The following RAF1 variants were observed in gnomAD, a reference collection of about 807,000 sequenced individuals.
RAF1 encodes the protein RAF proto-oncogene serine/threonine-protein kinase.
RAF1 carries 27 observed loss-of-function variants against 81.1 expected under a neutral mutation model. The ratio of observed to expected loss-of-function variants is 0.33; its 90% CI spans 0.25 to 0.46. RAF1 has a LOEUF of 0.46. Among genes scored for constraint, RAF1 ranks in the 20% least tolerant of loss-of-function variants. RAF1 has a pLI of 1.00. For synonymous variants in RAF1, 298 were observed against 294.0 expected (o/e 1.01, Z -0.14); for missense variants, 598 against 826.0 (o/e 0.72, Z 3.38).
At chr3:12,657,835 T>C (rs555660126) in intron 1 of RAF1, among the ~76,000 whole-genome samples, 10 of 151,292 alleles carry the variant, frequency 6.6e-5, no homozygotes, top group African/African-American at 1.9e-4. Context: ...ATCTCCATAA[T>C]TGTAGAACAC....
At chr3:12,593,786 C>CTTTTTTTTTTTTTTTTTTTTTTT (rs756831846) in intron 11 of RAF1, among the ~76,000 whole-genome samples, 1 of 111,284 alleles carries the variant, frequency 9.0e-6, no homozygotes. Context: ...GGAGTAAATC[C>CTTTTTTTTTTTTTTTTTTTTTTT]TTTTTTTTTT....
At chr3:12,647,964 G>A (rs1424067339) in intron 1 of RAF1, among the ~76,000 whole-genome samples, 5 of 152,136 alleles carry the variant, frequency 3.3e-5, no homozygotes, top group Non-Finnish European at 5.9e-5. Flanking sequence ...AGTTAAAAAC[G>A]AGCTAGTTCA....
intron 13 of RAF1, chr3:12,589,840 G>C (rs1404854281): frequency 1.4e-5 from 2 of 147,258 alleles, no homozygotes; most frequent in Non-Finnish European, 3.0e-5. Context: ...ACCCAGGCTA[G>C]AGTGCAATGG....
chr3:12,638,680 G>T (rs1020294258), intron 1 of RAF1, among the ~76,000 whole-genome samples: 4 of 152,026 alleles, frequency 2.6e-5, no homozygotes, highest in African/African-American at 9.7e-5. Context: ...TCACACATCC[G>T]ATTTGTCTTA....
intron 13 of RAF1, chr3:12,589,982 G>A (rs1203290063): frequency 1.3e-5 from 2 of 151,862 alleles, no homozygotes; most frequent in Non-Finnish European, 2.9e-5. Context: ...GTAGAGATGA[G>A]ATTTCACCAC....
At chr3:12,645,817 T>C (rs1405235406) in intron 1 of RAF1, among the ~76,000 whole-genome samples, 1 of 152,132 alleles carries the variant, frequency 6.6e-6, no homozygotes, top group Non-Finnish European at 1.5e-5. Flanking sequence ...TCAAGCAGCG[T>C]CTCAGCTCAG....
intron 13 of RAF1, chr3:12,587,854 T>TTTTTTTTTTTG (rs1553610554): frequency 3.5e-5 from 15 of 432,430 alleles, no homozygotes; most frequent in African/African-American, 2.8e-4. Context: ...TTTTTTTTTT[T>TTTTTTTTTTTG]GGAGACTGGA....
Position 12,629,339 on chromosome 3 carries a change from A to G in RAF1, c.-26-10592T>C, listed in dbSNP as rs543161569. 2.5e-4 allele frequency among the ~76,000 whole-genome samples: 38 copies of G among 152,242 alleles called. 1 individual carries two copies. In the South Asian group the frequency reaches 7.7e-3, roughly 31 times the overall value. On this transcript the variant is annotated intron_variant, in intron 1 of 17. Transcript: ENST00000442415. Reference sequence around the variant, plus strand: ...ATAAGTGTTTGCTCTCTATTTTGGTACTCGCTAAAACTCACTAGGCAACAA... The same window carrying G: ...ATAAGTGTTTGCTCTCTATTTTGGTGCTCGCTAAAACTCACTAGGCAACAA...
At chr3:12,617,916 T>G (rs1458934561) in intron 2 of RAF1, among the ~76,000 whole-genome samples, 1 of 151,174 alleles carries the variant, frequency 6.6e-6, no homozygotes, top group Non-Finnish European at 1.5e-5. Flanking sequence ...AAAAGAAATT[T>G]TCTATCAGAA....
At chr3:12,625,755 G>C (rs961736233) in intron 1 of RAF1, among the ~76,000 whole-genome samples, 4 of 152,056 alleles carry the variant, frequency 2.6e-5, no homozygotes, top group Admixed American at 6.6e-5. Flanking sequence ...CCAGGAGTTC[G>C]AGGCTGTAGT....
rs2058216793 is a variant in RAF1 at position 12,583,752 on chromosome 3, T to C, written c.*762A>G. On this transcript the variant is annotated 3_prime_UTR_variant, in exon 18 of 18. Transcript: ENST00000442415. Reference sequence around the variant, plus strand: ...CTTCCTTGTATACACATGATGTGACTAGAGAAACAAGGCTGTTTGTTTGTT... The same window carrying C: ...CTTCCTTGTATACACATGATGTGACCAGAGAAACAAGGCTGTTTGTTTGTT... The C allele has an allele frequency of 4.3e-6, 1 of 233,232 alleles. No homozygotes were observed. Among genetic ancestry groups the C allele is most frequent in the Non-Finnish European group, 8.5e-6 (1 of 117,988 alleles). 14.4% of individuals were successfully genotyped at this position (233,232 alleles called of 1,614,324 possible).
chr3:12,639,685 AAGG>A (rs1218042085), intron 1 of RAF1, among the ~76,000 whole-genome samples: 1 of 152,164 alleles, frequency 6.6e-6, no homozygotes, highest in Non-Finnish European at 1.5e-5. Context: ...GGACCTCTTC[AAGG>A]AGAACTACAA....
At chr3:12,613,947 G>C (rs979225002) in intron 2 of RAF1, among the ~76,000 whole-genome samples, 1 of 152,180 alleles carries the variant, frequency 6.6e-6, no homozygotes, top group Non-Finnish European at 1.5e-5. Context: ...TATTCTCCAG[G>C]AGGATCAATC....
At chr3:12,617,399 G>A (rs998793666) in intron 2 of RAF1, among the ~76,000 whole-genome samples, 3 of 152,082 alleles carry the variant, frequency 2.0e-5, no homozygotes, top group African/African-American at 7.2e-5. Context: ...ACAGGCGTAA[G>A]CCACTGCACC....
chr3:12,613,544 G>T (rs1391591650), intron 2 of RAF1, among the ~76,000 whole-genome samples: 3 of 151,994 alleles, frequency 2.0e-5, no homozygotes, highest in African/African-American at 7.2e-5. Context: ...CTTAATCTTG[G>T]CTCTTACTCC....
At chr3:12,611,199 GTGTT>G (rs898189524) in intron 3 of RAF1, among the ~76,000 whole-genome samples, 17 of 151,854 alleles carry the variant, frequency 1.1e-4, no homozygotes, top group African/African-American at 3.9e-4. Flanking sequence ...TACCTAACAT[GTGTT>G]TGTTTTTGTT....
chr3:12,641,121 C>A (rs909380569), intron 1 of RAF1, among the ~76,000 whole-genome samples: 1 of 150,052 alleles, frequency 6.7e-6, no homozygotes, highest in African/African-American at 2.5e-5. Context: ...GGACAGAAAA[C>A]CAAACGCCGC....
chr3:12,644,678 T>C (rs998423830), intron 1 of RAF1, among the ~76,000 whole-genome samples: 2 of 152,168 alleles, frequency 1.3e-5, no homozygotes, highest in Non-Finnish European at 2.9e-5. Context: ...CAATAAACAA[T>C]GTAAATACTT....
At chr3:12,589,660 G>A (rs1218751577) in intron 13 of RAF1, 1 of 152,218 alleles carries the variant, frequency 6.6e-6, no homozygotes, top group Non-Finnish European at 1.5e-5. Context: ...AGCAACCTAT[G>A]AGACTGAGCC....
Sources: allele counts gnomAD v4.1 joint callset (sites outside exome capture counted in the v4.1 genomes callset), GRCh38; gene constraint gnomAD v4.1.1; transcripts MANE v1.5; gene names NCBI Gene and HGNC (gene_info 2026-07-23, HGNC 2026-07-21).